C14orf132: variants seen among roughly 807,000 people sequenced by gnomAD.
C14orf132 encodes the protein uncharacterized protein C14orf132.
Under a neutral mutation model 5.8 loss-of-function variants are expected in C14orf132, and 6 were observed. The ratio of observed to expected loss-of-function variants is 1.03; its 90% CI spans 0.57 to 2.04. The LOEUF (loss-of-function observed/expected upper bound fraction) is 2.04. Among genes scored for constraint, C14orf132 ranks in the 30% most tolerant of loss-of-function variants. The pLI is 0.00. For synonymous variants in C14orf132, 51 were observed against 49.8 expected (o/e 1.02, Z -0.10); for missense variants, 125 against 115.8 (o/e 1.08, Z -0.37).
intron 1 of C14orf132, among the ~76,000 whole-genome samples, chr14:96,044,198 C>A (rs774724988): frequency 6.6e-6 from 1 of 152,150 alleles, no homozygotes; most frequent in African/African-American, 2.4e-5. Context: ...TTTTGAGACA[C>A]GGTCTTGTTC....
At position 96,089,478 on chromosome 14, in the gene C14orf132, C is replaced by T. The variant is rs909878903; in HGVS notation, c.*2743C>T. On this transcript the variant is annotated 3_prime_UTR_variant, in exon 2 of 2. Coordinates refer to ENST00000555004, the MANE Select transcript of C14orf132 (RefSeq NM_001252507.3). ...AGAGCCAGACTGTACTGCCTTCTGC[C>T]ACACTGTACTGCCTTCTGTGACTGG... The T allele has an allele frequency of 1.3e-5, 2 of 152,286 alleles. No homozygotes were observed. Among genetic ancestry groups the T allele is most frequent in the African/African-American group, 2.4e-5 (1 of 41,454 alleles). 9.4% of individuals were successfully genotyped at this position (152,286 alleles called of 1,614,324 possible).
chr14:96,045,773 G>A (rs1886817913), intron 1 of C14orf132, among the ~76,000 whole-genome samples: 1 of 152,200 alleles, frequency 6.6e-6, no homozygotes, highest in Non-Finnish European at 1.5e-5. Context: ...GTTACTTACT[G>A]CTTATGACTT....
intron 1 of C14orf132, among the ~76,000 whole-genome samples, chr14:96,040,988 G>C (rs1464548623): frequency 6.6e-6 from 1 of 152,200 alleles, no homozygotes; most frequent in Non-Finnish European, 1.5e-5. Context: ...GAGCTGGCTG[G>C]AGCATCAGTT....
chr14:96,058,452 G>GGGGAA (rs1025697088), intron 1 of C14orf132, among the ~76,000 whole-genome samples: 1 of 151,954 alleles, frequency 6.6e-6, no homozygotes, highest in African/African-American at 2.4e-5. Flanking sequence ...CAGGCCTCCC[G>GGGGAA]GGGAAGGTTT....
intron 1 of C14orf132, among the ~76,000 whole-genome samples, chr14:96,044,345 T>A (rs1264667908): frequency 6.6e-6 from 1 of 152,186 alleles, no homozygotes; most frequent in Non-Finnish European, 1.5e-5. Context: ...GGCTAGTCTT[T>A]TAAAAATTAT....
chr14:96,092,460 A>ACACC lies in C14orf132; in HGVS notation c.*5725_*5726insCACC, dbSNP rs1337139144. ...GCAGGCCTCGATTATTGGGGGAATC[A>ACACC]GAGCCCATTCCACACCGAGCCCCAT... On this transcript the variant is annotated 3_prime_UTR_variant, in exon 2 of 2. Coordinates refer to ENST00000555004, the MANE Select transcript of C14orf132 (RefSeq NM_001252507.3). 28 of 152,384 alleles carry ACACC rather than the reference A, an allele frequency of 1.8e-4. No homozygotes were observed. The highest frequency in any genetic ancestry group is 6.5e-4 in the African/African-American group (27 of 41,590). The allele number at this position is 152,384 out of a possible 1,614,324, so 9.4% of individuals were successfully genotyped here. A position where few individuals can be genotyped will look rare whatever the true frequency, so the allele number is the denominator to read the frequency against.
intron 1 of C14orf132, among the ~76,000 whole-genome samples, chr14:96,072,474 C>T (rs540432351): frequency 4.4e-4 from 67 of 152,336 alleles, no homozygotes; most frequent in African/African-American, 1.4e-3. Flanking sequence ...ATGCTGCAGT[C>T]TCCTTCCCAG....
At chr14:96,060,103 G>C (rs953258700) in intron 1 of C14orf132, among the ~76,000 whole-genome samples, 5 of 152,206 alleles carry the variant, frequency 3.3e-5, no homozygotes, top group African/African-American at 1.2e-4. Context: ...CACATGCTAA[G>C]ACACTGTCCT....
chr14:96,073,664 C>A (rs1887777429), intron 1 of C14orf132, among the ~76,000 whole-genome samples: 1 of 152,032 alleles, frequency 6.6e-6, no homozygotes, highest in African/African-American at 2.4e-5. Context: ...ACCATTTGAC[C>A]CAGCAATCCC....
chr14:96,049,620 GTATATATATACATATATACGTATA>G (rs1886962382), intron 1 of C14orf132, among the ~76,000 whole-genome samples: 1 of 87,586 alleles, frequency 1.1e-5, no homozygotes, highest in African/African-American at 4.9e-5. Context: ...ACATATATAC[GTATATATATACATATATACGTATA>G]TATATATATA....
chr14:96,051,224 T>C (rs543494400), intron 1 of C14orf132: 30 of 398,688 alleles, frequency 7.5e-5, no homozygotes, highest in African/African-American at 6.2e-4. Context: ...TTCTTCCAGG[T>C]ATCCTGTGAC....
chr14:96,077,298 G>A (rs1464182446), intron 1 of C14orf132, among the ~76,000 whole-genome samples: 2 of 152,114 alleles, frequency 1.3e-5, no homozygotes, highest in African/African-American at 2.4e-5. Flanking sequence ...AGATGCTGGG[G>A]GCTATGGGCT....
At chr14:96,065,087 C>G (rs890017356) in intron 1 of C14orf132, among the ~76,000 whole-genome samples, 1 of 152,008 alleles carries the variant, frequency 6.6e-6, no homozygotes. Flanking sequence ...GTGTAGCGGT[C>G]GGGGGAGTTT....
At chr14:96,080,903 A>C (rs1299755655) in intron 1 of C14orf132, among the ~76,000 whole-genome samples, 5 of 152,204 alleles carry the variant, frequency 3.3e-5, no homozygotes, top group Non-Finnish European at 7.3e-5. Flanking sequence ...TATAACCATC[A>C]CGCGTTTGGT....
intron 1 of C14orf132, among the ~76,000 whole-genome samples, chr14:96,056,101 C>A (rs937472503): frequency 4.6e-5 from 7 of 152,210 alleles, no homozygotes; most frequent in African/African-American, 1.7e-4. Context: ...CTTTATGATG[C>A]AATTTGGATA....
intron 1 of C14orf132, among the ~76,000 whole-genome samples, chr14:96,059,095 C>A (rs182704553): frequency 6.6e-6 from 1 of 152,176 alleles, no homozygotes; most frequent in Non-Finnish European, 1.5e-5. Flanking sequence ...GACTCTGTCT[C>A]TACAAAAACT....
At chr14:96,073,863 AGGAATGAGATCATGTCCTTTGCAG>A (rs1887783190) in intron 1 of C14orf132, among the ~76,000 whole-genome samples, 1 of 152,240 alleles carries the variant, frequency 6.6e-6, no homozygotes, top group Admixed American at 6.5e-5. Context: ...AGCCATAAAA[AGGAATGAGATCATGTCCTTTGCAG>A]GGACATGGAT....
chr14:96,075,072 T>A (rs890568569), intron 1 of C14orf132, among the ~76,000 whole-genome samples: 1 of 152,222 alleles, frequency 6.6e-6, no homozygotes, highest in Non-Finnish European at 1.5e-5. Flanking sequence ...TCCATTTATT[T>A]AGATCTTCTT....
At chr14:96,063,303 CT>C (rs1206153603) in intron 1 of C14orf132, among the ~76,000 whole-genome samples, 1 of 151,976 alleles carries the variant, frequency 6.6e-6, no homozygotes. Context: ...CTGTGGTATC[CT>C]TTTGTTTGTT....
Sources: gnomAD v4.1 joint callset for allele counts (sites outside exome capture counted in the v4.1 genomes callset) on GRCh38, gnomAD v4.1.1 for gene constraint, MANE v1.5 for transcripts, NCBI Gene and HGNC (gene_info 2026-07-23, HGNC 2026-07-21) for gene names.